ABL1: variants seen among roughly 807,000 people sequenced by gnomAD.
ABL1 encodes tyrosine-protein kinase ABL1.
A neutral mutation model predicts 94.7 loss-of-function variants in ABL1; 11 were observed. The observed-to-expected ratio is 0.12, with a 90% CI of 0.07 to 0.19. ABL1 has a LOEUF of 0.19. Among genes scored for constraint, ABL1 ranks in the 10% least tolerant of loss-of-function variants. ABL1 has a pLI of 1.00. For missense variants in ABL1, 1,082 were observed against 1,489.4 expected (o/e 0.73, Z 4.50); for synonymous variants, 656 against 622.4 (o/e 1.05, Z -0.80).
intron 1 of ABL1, among the ~76,000 whole-genome samples, chr9:130,780,712 G>A (rs1829744475): frequency 6.6e-6 from 1 of 152,196 alleles, no homozygotes; most frequent in African/African-American, 2.4e-5. Flanking sequence ...CTCAGCACTG[G>A]AGACATTTGG....
intron 1 of ABL1, among the ~76,000 whole-genome samples, chr9:130,766,121 T>C (rs942309140): frequency 2.0e-5 from 3 of 152,224 alleles, no homozygotes; most frequent in Non-Finnish European, 2.9e-5. Context: ...AGCTTGTGAC[T>C]GTGAGGGCCC....
intron 1 of ABL1, among the ~76,000 whole-genome samples, chr9:130,794,688 G>A (rs960929079): frequency 3.3e-5 from 5 of 152,262 alleles, no homozygotes; most frequent in African/African-American, 1.2e-4. Context: ...CACTGTTGAC[G>A]GGGTTCCCTG....
At chr9:130,772,992 C>G (rs1272526740) in intron 1 of ABL1, among the ~76,000 whole-genome samples, 2 of 152,052 alleles carry the variant, frequency 1.3e-5, no homozygotes, top group African/African-American at 2.4e-5. Context: ...GCTGAACTTG[C>G]AAGAAAAAAG....
chr9:130,810,985 G>C (rs1830201655), intron 1 of ABL1, among the ~76,000 whole-genome samples: 1 of 152,024 alleles, frequency 6.6e-6, no homozygotes, highest in African/African-American at 2.4e-5. Context: ...ATGTAAGCCA[G>C]GTTAACAGTG....
At chr9:130,835,010 C>T (rs1434035241), upstream of ABL1, 1 of 350,848 alleles carries the variant, frequency 2.9e-6, no homozygotes, top group Non-Finnish European at 5.8e-6. The surrounding 1 kb of genome is among the most constrained non-coding windows in gnomAD (Gnocchi z 4.6). Context: ...TGCACCCTCC[C>T]CGCCGGGGCT....
chr9:130,881,878 AAAAAAAAAAC>A (rs1194706920), intron 10 of ABL1, among the ~76,000 whole-genome samples: 1 of 113,708 alleles, frequency 8.8e-6, no homozygotes, highest in African/African-American at 5.7e-5. Flanking sequence ...TCTCATTAGT[AAAAAAAAAAC>A]AAAAAAAAAC....
intron 3 of ABL1, among the ~76,000 whole-genome samples, chr9:130,861,348 CA>C (rs1391912421): frequency 1.3e-5 from 2 of 152,180 alleles, no homozygotes; most frequent in African/African-American, 4.8e-5. Context: ...TCTCCCCAAG[CA>C]AAACAAAAGA....
chr9:130,765,684 A>T (rs1399253180), intron 1 of ABL1, among the ~76,000 whole-genome samples: 1 of 152,198 alleles, frequency 6.6e-6, no homozygotes, highest in Non-Finnish European at 1.5e-5. Flanking sequence ...TCATTTGGTA[A>T]CGTAGAGGCA....
At chr9:130,725,449 C>T (rs1258143095) in intron 1 of ABL1, among the ~76,000 whole-genome samples, 5 of 152,116 alleles carry the variant, frequency 3.3e-5, no homozygotes, top group African/African-American at 7.2e-5. Context: ...GGCGCGATCT[C>T]GGCTCACTGC....
chr9:130,821,482 C>G (rs957679697), intron 1 of ABL1, among the ~76,000 whole-genome samples: 1 of 152,050 alleles, frequency 6.6e-6, no homozygotes, highest in East Asian at 1.9e-4. Context: ...CTTTTTATCA[C>G]TGAGTATTAT....
intron 1 of ABL1, among the ~76,000 whole-genome samples, chr9:130,838,191 G>A (rs1235839638): frequency 2.0e-5 from 3 of 152,212 alleles, no homozygotes; most frequent in Non-Finnish European, 2.9e-5. Flanking sequence ...GGGTCACAGA[G>A]CCAGTGAGTG....
Position 130,872,285 on chromosome 9 carries a change from A to ACG in ABL1, c.907+74_907+75dup. 8 of 1,413,504 alleles carry ACG rather than the reference A, an allele frequency of 5.7e-6. No individual in the cohort carries two copies. Among genetic ancestry groups the ACG allele is most frequent in the Non-Finnish European group, 6.9e-6 (7 of 1,017,378 alleles). 87.6% of individuals were successfully genotyped at this position (1,413,504 alleles called of 1,614,324 possible). A position where few individuals can be genotyped will look rare whatever the true frequency, so the allele number is the denominator to read the frequency against. On this transcript the variant is annotated intron_variant, in intron 5 of 10. Coordinates refer to ENST00000318560, the MANE Select transcript of ABL1 (RefSeq NM_005157.6). The surrounding 1 kb of genome is among the most constrained non-coding windows in gnomAD (Gnocchi z 5.0). ...CAGGGTGACACAGGCGCTGGGGAAG[A>ACG]CGCACGGGCGGCTCACTGCACAAAA...
chr9:130,796,920 CAAAAAAAAAA>C lies in ABL1; in HGVS notation c.137-57132_137-57123del, dbSNP rs10607745. Among the ~76,000 whole-genome samples the C allele has an allele frequency of 3.9e-3, 235 of 60,770 alleles. 3 individuals are homozygous for C. The highest frequency in any genetic ancestry group is 0.013 in the African/African-American group (222 of 17,526). The allele number at this position is 60,770 out of a possible 152,430, so 39.9% of individuals were successfully genotyped here. A position where few individuals can be genotyped will look rare whatever the true frequency, so the allele number is the denominator to read the frequency against. ...GGGCAACAAGAGCGAAACTTCATCT[CAAAAAAAAAA>C]AAAAAAAAAAAGGCACTTTTTTTTT... On this transcript the variant is annotated intron_variant, in intron 1 of 10. Transcript: ENST00000372348.
intron 1 of ABL1, among the ~76,000 whole-genome samples, chr9:130,721,263 A>C (rs1237749720): frequency 6.6e-6 from 1 of 151,664 alleles, no homozygotes; most frequent in Non-Finnish European, 1.5e-5. Flanking sequence ...CTATAGTCCC[A>C]CCTACATGGG....
rs777859034 is a variant in ABL1 at position 130,885,087 on chromosome 9, A to G, written c.2797A>G (p.Lys933Glu). ...AGEAVLGAKT[K>E]ATSLVDAVNS... ...GGAGGCAGTCCTGGGCGCAAAGACA[A>G]AAGCCACGAGTCTGGTTGATGCTGT... The change falls in exon 11 of 11, where the codon AAA becomes GAA. Residue 933 changes from lysine (K) to glutamate (E), a missense_variant. Coordinates refer to ENST00000318560, the MANE Select transcript of ABL1 (RefSeq NM_005157.6). 3.1e-6 allele frequency: 5 copies of G among 1,610,256 alleles called. No homozygotes were observed. The highest frequency in any genetic ancestry group is 4.5e-5 in the East Asian group (2 of 44,804).
intron 1 of ABL1, among the ~76,000 whole-genome samples, chr9:130,764,317 G>C (rs755614352): frequency 6.6e-6 from 1 of 152,186 alleles, no homozygotes; most frequent in African/African-American, 2.4e-5. Flanking sequence ...TGTGTAGGAG[G>C]CATCTGTCCA....
At chr9:130,753,036 C>A (rs1218472079) in intron 1 of ABL1, among the ~76,000 whole-genome samples, 1 of 151,800 alleles carries the variant, frequency 6.6e-6, no homozygotes, top group East Asian at 1.9e-4. Flanking sequence ...GCGGGTGGAT[C>A]ACGAGGTCAG....
At chr9:130,774,293 T>C (rs1242928114) in intron 1 of ABL1, among the ~76,000 whole-genome samples, 2 of 152,324 alleles carry the variant, frequency 1.3e-5, no homozygotes, top group African/African-American at 4.8e-5. Flanking sequence ...AAGCTTTGTG[T>C]GGACATTTGC....
chr9:130,716,030 A>G (rs922812374), intron 1 of ABL1, among the ~76,000 whole-genome samples: 1 of 148,340 alleles, frequency 6.7e-6, no homozygotes, highest in East Asian at 2.0e-4. Flanking sequence ...ATATATACAC[A>G]CACACACACA....
Sources: allele counts gnomAD v4.1 joint callset (sites outside exome capture counted in the v4.1 genomes callset), GRCh38; gene constraint gnomAD v4.1.1; non-coding constraint Gnocchi (gnomAD v3.1); transcripts MANE v1.5; gene names NCBI Gene and HGNC (gene_info 2026-07-23, HGNC 2026-07-21).